SSR3: variants seen among roughly 807,000 people sequenced by gnomAD.
SSR3 encodes translocon-associated protein subunit gamma.
SSR3 carries 10 observed loss-of-function variants against 22.1 expected under a neutral mutation model. That is an observed-to-expected ratio of 0.45 (90% confidence interval 0.28 to 0.77). The LOEUF (loss-of-function observed/expected upper bound fraction) is 0.77. Ranked by LOEUF, SSR3 falls within the 30% of genes least tolerant of loss-of-function variation. The pLI is 0.13. For missense variants in SSR3, 181 were observed against 220.5 expected (o/e 0.82, Z 1.13); for synonymous variants, 104 against 82.5 (o/e 1.26, Z -1.42).
Position 156,541,406 on chromosome 3 carries a change from A to G in SSR3, c.*1797T>C, listed in dbSNP as rs1171277707. The stretch of plus-strand genomic sequence containing the variant: ...TTTTTTTTTTAACCAACAGTAAAGA[A>G]AACTTTTTGGGTTTTTTTGTTTCTT... On this transcript the variant is annotated 3_prime_UTR_variant, in exon 5 of 5. Coordinates refer to ENST00000265044, the MANE Select transcript of SSR3 (RefSeq NM_007107.5). 1.3e-5 allele frequency: 2 copies of G among 152,130 alleles called. No individual in the cohort carries two copies. The highest frequency in any genetic ancestry group is 3.8e-4 in the East Asian group (2 of 5,198). The allele number at this position is 152,130 out of a possible 1,614,324, so 9.4% of individuals were successfully genotyped here. A position where few individuals can be genotyped will look rare whatever the true frequency, so the allele number is the denominator to read the frequency against.
intron 4 of SSR3, among the ~76,000 whole-genome samples, chr3:156,543,638 C>A (rs1382337948): frequency 6.6e-6 from 1 of 152,198 alleles, no homozygotes; most frequent in Non-Finnish European, 1.5e-5. Flanking sequence ...GTCTTCCCTG[C>A]AAATCAGTGT....
Position 156,542,857 on chromosome 3 carries a change from A to C in SSR3, c.*346T>G. 4.6e-6 allele frequency: 1 copy of C among 218,992 alleles called. No individual in the cohort carries two copies. Among genetic ancestry groups the C allele is most frequent in the Non-Finnish European group, 8.9e-6 (1 of 112,244 alleles). 13.6% of individuals were successfully genotyped at this position (218,992 alleles called of 1,614,324 possible). A position where few individuals can be genotyped will look rare whatever the true frequency, so the allele number is the denominator to read the frequency against. On this transcript the variant is annotated 3_prime_UTR_variant, in exon 5 of 5. Coordinates refer to ENST00000265044, the MANE Select transcript of SSR3 (RefSeq NM_007107.5). Reference sequence around the variant, plus strand: ...ACAGAGAACCAGTTATTAACTTCCTACTACTATTATATAATAAATAATAAC... The same window carrying C: ...ACAGAGAACCAGTTATTAACTTCCTCCTACTATTATATAATAAATAATAAC...
At chr3:156,543,629 T>C (rs1433326720) in intron 4 of SSR3, among the ~76,000 whole-genome samples, 1 of 152,210 alleles carries the variant, frequency 6.6e-6, no homozygotes, top group Non-Finnish European at 1.5e-5. Context: ...GAAAAATAAG[T>C]CTTCCCTGCA....
intron 3 of SSR3, among the ~76,000 whole-genome samples, chr3:156,546,667 T>C (rs1041275914): frequency 6.6e-6 from 1 of 152,206 alleles, no homozygotes; most frequent in Non-Finnish European, 1.5e-5. Flanking sequence ...TTCTTCCTAG[T>C]AGGGAACGTG....
rs200289824 is a variant in SSR3 at position 156,543,286 on chromosome 3, G to A, written c.492-17C>T. On this transcript the variant is annotated splice_polypyrimidine_tract_variant and intron_variant, in intron 4 of 4. Transcript: ENST00000265044. ...ATGTAGTTCCTGTAAGAAATTTAAT[G>A]TTATGGAAAAATGAGTAACTCCAAA... 62 of 1,608,470 alleles carry A rather than the reference G, an allele frequency of 3.9e-5. No individual in the cohort carries two copies. In the Admixed American group the frequency reaches 7.2e-4, roughly 19 times the overall value.
chr3:156,552,857 C>T (rs917939987), intron 2 of SSR3, among the ~76,000 whole-genome samples: 1 of 152,130 alleles, frequency 6.6e-6, no homozygotes, highest in Non-Finnish European at 1.5e-5. Context: ...GCATTTTAAC[C>T]TCTATGAAAC....
chr3:156,546,192 T>C (rs1453431701), intron 3 of SSR3, among the ~76,000 whole-genome samples: 3 of 152,238 alleles, frequency 2.0e-5, no homozygotes, highest in Non-Finnish European at 2.9e-5. Flanking sequence ...CATGCCACTC[T>C]CGTGACAGTG....
intron 2 of SSR3, among the ~76,000 whole-genome samples, chr3:156,550,584 G>T (rs1719915082): frequency 6.6e-6 from 1 of 152,078 alleles, no homozygotes; most frequent in South Asian, 2.1e-4. Flanking sequence ...TCACGCTAGT[G>T]ACCTAGCACT....
At chr3:156,543,769 G>T (rs1315032809) in intron 4 of SSR3, among the ~76,000 whole-genome samples, 4 of 152,188 alleles carry the variant, frequency 2.6e-5, no homozygotes, top group African/African-American at 9.7e-5. Flanking sequence ...ACGTTGGAGG[G>T]TATCTGATAT....
chr3:156,552,450 A>G (rs2108450276), intron 2 of SSR3, among the ~76,000 whole-genome samples: 1 of 152,360 alleles, frequency 6.6e-6, no homozygotes, highest in Non-Finnish European at 1.5e-5. Flanking sequence ...TACATAGGGC[A>G]ATGTGCTTCA....
chr3:156,544,487 A>G (rs779974791), intron 3 of SSR3, 48 bp from the exon 4 acceptor site: 9 of 1,460,548 alleles, frequency 6.2e-6, no homozygotes. Flanking sequence ...ATGATTTAAA[A>G]AAACTTTTAA....
intron 2 of SSR3, among the ~76,000 whole-genome samples, chr3:156,551,037 C>A (rs1236264960): frequency 1.3e-5 from 2 of 152,178 alleles, no homozygotes; most frequent in East Asian, 3.8e-4. Context: ...CAACAGCTAC[C>A]CACACTCAGC....
At chr3:156,553,166 A>AGGAT (rs1337535381) in intron 2 of SSR3, among the ~76,000 whole-genome samples, 2 of 152,098 alleles carry the variant, frequency 1.3e-5, no homozygotes, top group African/African-American at 4.8e-5. Context: ...CTGAGGTGGG[A>AGGAT]GGATCCCTTG....
At chr3:156,554,910 C>A in intron 1 of SSR3, 47 bp downstream of exon 1, 1 of 1,587,904 alleles carries the variant, frequency 6.3e-7, no homozygotes. Flanking sequence ...CCCGCCCAGC[C>A]CGACTAGCCG....
chr3:156,546,096 A>G (rs956709117), intron 3 of SSR3, among the ~76,000 whole-genome samples: 2 of 152,144 alleles, frequency 1.3e-5, no homozygotes, highest in Non-Finnish European at 2.9e-5. Context: ...CTGTGTCCCC[A>G]CCCAAATCTC....
chr3:156,544,467 G>C, intron 3 of SSR3, 28 bp from the exon 4 acceptor site: 1 of 1,481,170 alleles, frequency 6.8e-7, no homozygotes, highest in South Asian at 1.5e-5. Flanking sequence ...AGTCAAACAA[G>C]CTTATAAATA....
chr3:156,549,781 A>G (rs1457288667), intron 2 of SSR3, among the ~76,000 whole-genome samples: 1 of 152,160 alleles, frequency 6.6e-6, no homozygotes, highest in African/African-American at 2.4e-5. Flanking sequence ...ACCCCACACA[A>G]ATTGGTAACT....
intron 2 of SSR3, among the ~76,000 whole-genome samples, chr3:156,551,731 C>CT (rs1298476616): frequency 6.6e-6 from 1 of 152,296 alleles, no homozygotes; most frequent in East Asian, 1.9e-4. Flanking sequence ...CCGAAAGAGT[C>CT]TAACACAGGG....
intron 4 of SSR3, 130 bp downstream of exon 4, chr3:156,544,178 G>A (rs987529754): frequency 4.4e-6 from 3 of 674,678 alleles, no homozygotes; most frequent in East Asian, 3.2e-5. Flanking sequence ...GTTATCTAAA[G>A]TCAGCACTAT....
Sources: allele counts gnomAD v4.1 joint callset (sites outside exome capture counted in the v4.1 genomes callset), GRCh38; gene constraint gnomAD v4.1.1; transcripts MANE v1.5; gene names NCBI Gene and HGNC (gene_info 2026-07-23, HGNC 2026-07-21).